The following PTPN11 variants were observed in gnomAD, a reference collection of about 807,000 sequenced individuals.
The protein encoded by PTPN11 is protein tyrosine phosphatase non-receptor type 11.
In PTPN11, 6 loss-of-function variants were observed where a neutral mutation model predicts 78.8. The ratio of observed to expected loss-of-function variants is 0.08; its 90% CI spans 0.04 to 0.15. PTPN11 has a LOEUF of 0.15. Among genes scored for constraint, PTPN11 ranks in the 10% least tolerant of loss-of-function variants. The pLI is 1.00. For synonymous variants in PTPN11, 221 were observed against 263.5 expected, an observed-to-expected ratio of 0.84 and a Z score of 1.56; for missense variants, 386 against 744.8, an observed-to-expected ratio of 0.52 and a Z score of 5.61.
At chr12:112,471,421 G>A (rs1195846455) in intron 6 of PTPN11, among the ~76,000 whole-genome samples, 1 of 144,936 alleles carries the variant, frequency 6.9e-6, no homozygotes, top group Non-Finnish European at 1.5e-5. Context: ...CACACAGGCT[G>A]GAGTGCCGTG....
At chr12:112,442,354 A>G (rs960550004) in intron 1 of PTPN11, among the ~76,000 whole-genome samples, 1 of 152,028 alleles carries the variant, frequency 6.6e-6, no homozygotes, top group African/African-American at 2.4e-5. Context: ...TTTATTATAT[A>G]CTTAAGCATC....
At chr12:112,442,902 A>T (rs201601544) in intron 1 of PTPN11, among the ~76,000 whole-genome samples, 5 of 124,122 alleles carry the variant, frequency 4.0e-5, no homozygotes, top group African/African-American at 1.6e-4. Flanking sequence ...CTACACATAT[A>T]TGTATGTATA....
intron 1 of PTPN11, among the ~76,000 whole-genome samples, chr12:112,424,149 G>C (rs1594124504): frequency 6.6e-6 from 1 of 152,162 alleles, no homozygotes; most frequent in Non-Finnish European, 1.5e-5. Context: ...AATTATTTAT[G>C]GTGGGATAAC....
At chr12:112,423,629 A>G (rs1214446136) in intron 1 of PTPN11, among the ~76,000 whole-genome samples, 2 of 151,734 alleles carry the variant, frequency 1.3e-5, no homozygotes, top group Non-Finnish European at 2.9e-5. Flanking sequence ...TTTAGAATGT[A>G]TGTGTATATA....
intron 6 of PTPN11, among the ~76,000 whole-genome samples, chr12:112,463,304 C>T: frequency 6.6e-6 from 1 of 151,818 alleles, no homozygotes; most frequent in African/African-American, 2.4e-5. Flanking sequence ...TGGTCTCAAA[C>T]TCCCAGGCTC....
chr12:112,419,384 G>C (rs1190449052), intron 1 of PTPN11, among the ~76,000 whole-genome samples: 2 of 152,176 alleles, frequency 1.3e-5, no homozygotes, highest in Non-Finnish European at 2.9e-5. Flanking sequence ...CGTCAGGCCC[G>C]GGGCAGGTAG....
intron 6 of PTPN11, among the ~76,000 whole-genome samples, chr12:112,467,390 G>A (rs2038347094): frequency 6.6e-6 from 1 of 152,206 alleles, no homozygotes; most frequent in East Asian, 1.9e-4. Context: ...TCTGCTTCTG[G>A]TGAGGGCCTC....
At chr12:112,424,150 G>A (rs562409312) in intron 1 of PTPN11, among the ~76,000 whole-genome samples, 73 of 152,282 alleles carry the variant, frequency 4.8e-4, no homozygotes, top group Non-Finnish European at 7.6e-4. Context: ...ATTATTTATG[G>A]TGGGATAACT....
intron 7 of PTPN11, among the ~76,000 whole-genome samples, chr12:112,475,306 G>T (rs1339638438): frequency 7.2e-5 from 11 of 151,942 alleles, no homozygotes. Flanking sequence ...GAGAAAGGAA[G>T]GAACATTTAC....
chr12:112,448,167 A>G (rs1204781708), intron 2 of PTPN11, among the ~76,000 whole-genome samples: 2 of 151,278 alleles, frequency 1.3e-5, no homozygotes, highest in Non-Finnish European at 2.9e-5. Flanking sequence ...AGCCATTTCT[A>G]TTAATTTCTT....
chr12:112,498,259 G>A (rs2038836002), intron 13 of PTPN11, among the ~76,000 whole-genome samples: 1 of 152,120 alleles, frequency 6.6e-6, no homozygotes, highest in African/African-American at 2.4e-5. Flanking sequence ...AGGAGCTGCC[G>A]CAGTGCTGCA....
intron 1 of PTPN11, among the ~76,000 whole-genome samples, chr12:112,438,345 C>T (rs1237561628): frequency 6.6e-6 from 1 of 152,050 alleles, no homozygotes; most frequent in East Asian, 1.9e-4. Context: ...TTCTTAGAGA[C>T]AGGGTCCCAC....
intron 13 of PTPN11, among the ~76,000 whole-genome samples, chr12:112,493,535 C>T (rs2135921732): frequency 6.6e-6 from 1 of 151,868 alleles, no homozygotes; most frequent in South Asian, 2.1e-4. Context: ...ACTACAGGTA[C>T]CCGCCACCAT....
intron 1 of PTPN11, among the ~76,000 whole-genome samples, chr12:112,445,422 G>C (rs2037978231): frequency 1.3e-5 from 2 of 152,070 alleles, no homozygotes; most frequent in South Asian, 4.2e-4. Flanking sequence ...GTGAGCCACT[G>C]TTCCCATCCA....
intron 3 of PTPN11, among the ~76,000 whole-genome samples, chr12:112,451,631 T>C (rs1468282652): frequency 1.3e-5 from 2 of 152,236 alleles, no homozygotes. Context: ...TGGGAATTCA[T>C]ATTTTTAGCA....
In PTPN11 at chr12:112,419,084, C is replaced by T. The variant is rs1362630026; in HGVS notation, c.-28C>T. The stretch of plus-strand genomic sequence containing the variant: ...GCGGAGCCTGAGCAAGGAGCGGGTC[C>T]GTCGCGGAGCCGGAGGGCGGGAGGA... On this transcript the variant is annotated 5_prime_UTR_variant, in exon 1 of 16. Transcript: ENST00000351677. 6.5e-7 allele frequency: 1 copy of T among 1,532,924 alleles called. No homozygotes were observed. The highest frequency in any genetic ancestry group is 2.0e-5 in the Admixed American group (1 of 50,320). 95.0% of individuals were successfully genotyped at this position (1,532,924 alleles called of 1,614,324 possible).
Position 112,478,102 on chromosome 12 carries a change from A to T in PTPN11, c.1092+87A>T. 16 of 1,453,822 alleles carry T rather than the reference A, an allele frequency of 1.1e-5. 1 individual carries two copies. In the South Asian group the frequency reaches 1.9e-4, roughly 17 times the overall value. The allele number at this position is 1,453,822 out of a possible 1,614,324, so 90.1% of individuals were successfully genotyped here. ...GCCATGTTTAGGAATTGAATAAATGAATTAAGCTTACTGTAACTGATTCTC... is the reference window on the plus strand; with the variant it reads ...GCCATGTTTAGGAATTGAATAAATGTATTAAGCTTACTGTAACTGATTCTC... On this transcript the variant is annotated intron_variant, in intron 9 of 15. Transcript: ENST00000351677.
intron 1 of PTPN11, 150 bp downstream of exon 1, chr12:112,419,275 T>G: frequency 1.3e-6 from 1 of 749,398 alleles, no homozygotes; most frequent in Non-Finnish European, 1.9e-6. Flanking sequence ...CCCCTCGCCC[T>G]CCAGGGGCCG....
At chr12:112,425,071 C>T (rs953328151) in intron 1 of PTPN11, among the ~76,000 whole-genome samples, 2 of 151,280 alleles carry the variant, frequency 1.3e-5, no homozygotes, top group African/African-American at 2.4e-5. Flanking sequence ...CCAGGCTGGT[C>T]TCAAACTCCT....
Sources: gnomAD v4.1 joint callset for allele counts (sites outside exome capture counted in the v4.1 genomes callset) on GRCh38, gnomAD v4.1.1 for gene constraint, MANE v1.5 for transcripts, NCBI Gene and HGNC (gene_info 2026-07-23, HGNC 2026-07-21) for gene names.